The following LEF1 variants were observed in gnomAD, a reference collection of about 807,000 sequenced individuals.
LEF1 encodes the protein lymphoid enhancer binding factor 1.
Under a neutral mutation model 51.2 loss-of-function variants are expected in LEF1, and 14 were observed. That is an observed-to-expected ratio of 0.27 (90% confidence interval 0.18 to 0.43). The LOEUF (loss-of-function observed/expected upper bound fraction) is 0.43, where lower values mean the gene tolerates loss of function less well. LEF1 is among the 20% of genes least tolerant of loss of function. The pLI is 1.00. For synonymous variants in LEF1, 185 were observed against 183.2 expected (o/e 1.01, Z -0.08); for missense variants, 386 against 512.0 (o/e 0.75, Z 2.37).
chr4:108,048,634 G>T lies in LEF1; in HGVS notation c.*124C>A. 1 of 1,393,932 alleles carries T rather than the reference G, an allele frequency of 7.2e-7. No individual in the cohort carries two copies. Among genetic ancestry groups the T allele is most frequent in the African/African-American group, 1.4e-5 (1 of 69,494 alleles). 86.3% of individuals were successfully genotyped at this position (1,393,932 alleles called of 1,614,324 possible). A position where few individuals can be genotyped will look rare whatever the true frequency, so the allele number is the denominator to read the frequency against. On this transcript the variant is annotated 3_prime_UTR_variant, in exon 12 of 12. Transcript: ENST00000265165. ...GTAAAATTGATGTCAGTGTTCCTTTGGGGTCGACTGGGCAGGCCGTGGAGA... is the reference window on the plus strand; with the variant it reads ...GTAAAATTGATGTCAGTGTTCCTTTTGGGTCGACTGGGCAGGCCGTGGAGA...
At chr4:108,139,205 C>T (rs143770034) in intron 3 of LEF1, among the ~76,000 whole-genome samples, 233 of 152,298 alleles carry the variant, frequency 1.5e-3, no homozygotes, top group African/African-American at 5.2e-3. Flanking sequence ...TGTGTGGAAG[C>T]GGCTCTGCCA....
intron 11 of LEF1, among the ~76,000 whole-genome samples, chr4:108,060,126 T>A (rs1737574865): frequency 6.6e-6 from 1 of 152,068 alleles, no homozygotes; most frequent in South Asian, 2.1e-4. Context: ...GCTTCGAATA[T>A]CCCAGGACAC....
At chr4:108,082,232 T>C (rs1312043832) in intron 5 of LEF1, among the ~76,000 whole-genome samples, 2 of 152,246 alleles carry the variant, frequency 1.3e-5, no homozygotes, top group Non-Finnish European at 2.9e-5. Flanking sequence ...TTTTTCCCTC[T>C]GTTCTCTCTA....
chr4:108,139,158 C>T (rs192677685), intron 3 of LEF1, among the ~76,000 whole-genome samples: 2 of 152,322 alleles, frequency 1.3e-5, no homozygotes, highest in African/African-American at 4.8e-5. Context: ...CAGTAAAGTA[C>T]ATTCATTAAT....
intron 3 of LEF1, among the ~76,000 whole-genome samples, chr4:108,132,900 G>A (rs992349644): frequency 2.0e-5 from 3 of 151,646 alleles, no homozygotes; most frequent in Non-Finnish European, 4.4e-5. Flanking sequence ...CCAACCCCTG[G>A]GTTCAAGCAA....
rs1028103199 is a variant in LEF1, at chr4:108,104,699, C to T, written c.415-15442G>A. 2.0e-5 allele frequency: 20 copies of T among 984,428 alleles called. No homozygotes were observed. In the Admixed American group the frequency reaches 7.4e-4, roughly 36 times the overall value. The allele number at this position is 984,428 out of a possible 1,614,324, so 61.0% of individuals were successfully genotyped here. ...ACATACCTATGAATGCTCTTTCCCA[C>T]TCCCCGCCCTCAATTCCTGGGCCTA... On this transcript the variant is annotated intron_variant, in intron 3 of 11. Transcript: ENST00000265165.
intron 3 of LEF1, among the ~76,000 whole-genome samples, chr4:108,118,051 G>C (rs1741943938): frequency 6.6e-6 from 1 of 152,168 alleles, no homozygotes. Flanking sequence ...TTCCATTTTA[G>C]GGAGTAGGGA....
At chr4:108,083,496 A>C (rs1739451016) in intron 4 of LEF1, 50 bp from the exon 5 acceptor site, 1 of 1,210,358 alleles carries the variant, frequency 8.3e-7, no homozygotes, top group Non-Finnish European at 1.2e-6. Context: ...AGGATATTTA[A>C]CCAGAAATGC....
chr4:108,070,774 A>C lies in LEF1; in HGVS notation c.1009-4T>G, dbSNP rs1424514615. 2 of 1,599,304 alleles carry C rather than the reference A, an allele frequency of 1.3e-6. No homozygotes were observed. The highest frequency in any genetic ancestry group is 2.2e-5 in the South Asian group (2 of 89,844). ...CTTCACGGGAGAGGGCATGCCACTA[A>C]AACAGAGAGGAAGGAAGAAAAAAAC... On this transcript the variant is annotated splice_region_variant and splice_polypyrimidine_tract_variant and intron_variant, in intron 8 of 11. Transcript: ENST00000265165.
At chr4:108,095,635 A>G (rs1306125888) in intron 3 of LEF1, among the ~76,000 whole-genome samples, 2 of 152,226 alleles carry the variant, frequency 1.3e-5, no homozygotes, top group African/African-American at 2.4e-5. Flanking sequence ...CAATCAGACT[A>G]CAACAGAATG....
intron 3 of LEF1, among the ~76,000 whole-genome samples, chr4:108,100,099 T>C (rs2110292572): frequency 6.6e-6 from 1 of 152,220 alleles, no homozygotes; most frequent in East Asian, 1.9e-4. Context: ...CAGGATATAT[T>C]TATATGAGTC....
chr4:108,102,746 G>A (rs920159404), intron 3 of LEF1, among the ~76,000 whole-genome samples: 1 of 152,180 alleles, frequency 6.6e-6, no homozygotes, highest in Non-Finnish European at 1.5e-5. Flanking sequence ...TAAGTCTCCA[G>A]TAAGTACTTT....
chr4:108,079,474 G>A lies in LEF1; in HGVS notation c.845+18C>T. 1 of 1,613,834 alleles carries A rather than the reference G, an allele frequency of 6.2e-7. No homozygotes were observed. The highest frequency in any genetic ancestry group is 8.5e-7 in the Non-Finnish European group (1 of 1,179,778). On this transcript the variant is annotated intron_variant, in intron 7 of 11. Coordinates refer to ENST00000265165, the MANE Select transcript of LEF1 (RefSeq NM_016269.5). ...AGTATCCTAAGGCAATCACAGCAGAGCCCGGGTGGATACTTACACGTGCAT... is the reference window on the plus strand; with the variant it reads ...AGTATCCTAAGGCAATCACAGCAGAACCCGGGTGGATACTTACACGTGCAT...
At chr4:108,093,192 C>T (rs1258297720) in intron 3 of LEF1, among the ~76,000 whole-genome samples, 2 of 152,126 alleles carry the variant, frequency 1.3e-5, no homozygotes, top group Non-Finnish European at 2.9e-5. Context: ...TACAGTCCTG[C>T]TCACTACACA....
At chr4:108,160,172 C>T (rs1224102776) in intron 3 of LEF1, among the ~76,000 whole-genome samples, 1 of 152,250 alleles carries the variant, frequency 6.6e-6, no homozygotes, top group Non-Finnish European at 1.5e-5. Context: ...CCAGTGGGAA[C>T]TTTCACTACA....
intron 3 of LEF1, among the ~76,000 whole-genome samples, chr4:108,134,659 T>C (rs1362886968): frequency 6.6e-6 from 1 of 152,272 alleles, no homozygotes; most frequent in Non-Finnish European, 1.5e-5. Flanking sequence ...CATTACAATG[T>C]GCTAGGCACA....
Position 108,070,779 on chromosome 4 carries a change from GAGAGGAAGGA to G in LEF1, c.1009-19_1009-10del. 1 of 1,583,428 alleles carries G rather than the reference GAGAGGAAGGA, an allele frequency of 6.3e-7. No individual in the cohort carries two copies. Among genetic ancestry groups the G allele is most frequent in the Non-Finnish European group, 8.6e-7 (1 of 1,156,914 alleles). ...CGGGAGAGGGCATGCCACTAAAACA[GAGAGGAAGGA>G]AGAAAAAAACAAAAGTAAGCAAAAT... On this transcript the variant is annotated splice_polypyrimidine_tract_variant and intron_variant, in intron 8 of 11. Transcript: ENST00000265165.
chr4:108,055,338 C>T (rs1454753847), intron 11 of LEF1, among the ~76,000 whole-genome samples: 3 of 152,148 alleles, frequency 2.0e-5, no homozygotes, highest in Non-Finnish European at 4.4e-5. Flanking sequence ...ATACAAATCA[C>T]CATACTCCTT....
At chr4:108,153,601 T>C (rs1014383287) in intron 3 of LEF1, among the ~76,000 whole-genome samples, 2 of 152,240 alleles carry the variant, frequency 1.3e-5, no homozygotes, top group Non-Finnish European at 2.9e-5. Context: ...GTTTTTAAGA[T>C]TAAATTGCAG....
Sources: allele counts gnomAD v4.1 joint callset (sites outside exome capture counted in the v4.1 genomes callset), GRCh38; gene constraint gnomAD v4.1.1; transcripts MANE v1.5; gene names NCBI Gene and HGNC (gene_info 2026-07-23, HGNC 2026-07-21).